The following BEND4 variants were observed in gnomAD, a reference collection of about 807,000 sequenced individuals.
The protein encoded by BEND4 is BEN domain-containing protein 4.
In BEND4, 27 loss-of-function variants were observed where a neutral mutation model predicts 54.7. The ratio of observed to expected loss-of-function variants is 0.49; its 90% CI spans 0.36 to 0.68. The LOEUF (loss-of-function observed/expected upper bound fraction) is 0.68. BEND4 is among the 30% of genes least tolerant of loss of function. The probability of loss-of-function intolerance (pLI) is 0.00; values close to 1 mark genes in which losing one functional copy is unlikely to be tolerated. For synonymous variants in BEND4, 327 were observed against 299.5 expected, an observed-to-expected ratio of 1.09 and a Z score of -0.95; for missense variants, 702 against 697.2, an observed-to-expected ratio of 1.01 and a Z score of -0.08.
Position 42,117,799 on chromosome 4 carries a change from T to C in BEND4, c.1388-64A>G, listed in dbSNP as rs1304001839. ...AAAAACAGCTGGTTTTTGCAGAAGATGACAGGGCAGGCTGCTTAAACTTTA... is the reference window on the plus strand; with the variant it reads ...AAAAACAGCTGGTTTTTGCAGAAGACGACAGGGCAGGCTGCTTAAACTTTA... On this transcript the variant is annotated intron_variant, in intron 5 of 5. Transcript: ENST00000502486. 3 of 1,137,254 alleles carry C rather than the reference T, an allele frequency of 2.6e-6. No homozygotes were observed. In the African/African-American group the frequency reaches 4.7e-5, roughly 18 times the overall value. The allele number at this position is 1,137,254 out of a possible 1,614,324, so 70.4% of individuals were successfully genotyped here. A position where few individuals can be genotyped will look rare whatever the true frequency, so the allele number is the denominator to read the frequency against.
In BEND4 at chr4:42,117,650, G is replaced by A. The variant is rs757545306; in HGVS notation, c.1473C>T (p.Val491=). 1.8e-5 allele frequency: 29 copies of A among 1,611,534 alleles called. No homozygotes were observed. The highest frequency in any genetic ancestry group is 1.6e-5 in the Non-Finnish European group (19 of 1,178,892). The change falls in exon 6 of 6, where the codon GTC becomes GTT. Residue 491 remains valine, a synonymous_variant. Coordinates refer to ENST00000502486, the MANE Select transcript of BEND4 (RefSeq NM_207406.4). ...EQINKVFSDA[V]GHARQGRAVG... ...CCGCCCGCCCCTGTCGGGCGTGACC[G>A]ACAGCGTCGCTGAACACTTTGTTTA...
Position 42,116,201 on chromosome 4 carries a change from T to C in BEND4, c.*1317A>G, listed in dbSNP as rs1345390625. 6.6e-6 allele frequency: 1 copy of C among 152,224 alleles called. No individual in the cohort carries two copies. Among genetic ancestry groups the C allele is most frequent in the Non-Finnish European group, 1.5e-5 (1 of 68,040 alleles). The allele number at this position is 152,224 out of a possible 1,614,324, so 9.4% of individuals were successfully genotyped here. A position where few individuals can be genotyped will look rare whatever the true frequency, so the allele number is the denominator to read the frequency against. On this transcript the variant is annotated 3_prime_UTR_variant, in exon 6 of 6. Transcript: ENST00000502486. ...ATGTCTGTAGATGACATTAGTAGCCTTCAATAAACGCTGTCCATTTAGCCC... is the reference window on the plus strand; with the variant it reads ...ATGTCTGTAGATGACATTAGTAGCCCTCAATAAACGCTGTCCATTTAGCCC...
intron 5 of BEND4, among the ~76,000 whole-genome samples, chr4:42,119,536 C>T (rs1269473817): frequency 6.6e-6 from 1 of 151,998 alleles, no homozygotes; most frequent in Admixed American, 6.6e-5. Flanking sequence ...CTGCAGTACA[C>T]TTAATAGAAA....
At chr4:42,128,432 GC>G (rs1390382463) in intron 3 of BEND4, among the ~76,000 whole-genome samples, 2 of 152,044 alleles carry the variant, frequency 1.3e-5, no homozygotes, top group African/African-American at 4.8e-5. Context: ...GACCATCCTG[GC>G]TAACACGGTG....
At chr4:42,147,481 C>CA (rs1721116327) in intron 2 of BEND4, among the ~76,000 whole-genome samples, 1 of 131,930 alleles carries the variant, frequency 7.6e-6, no homozygotes, top group Admixed American at 7.7e-5. Context: ...ATTTTTTTAA[C>CA]TTTTTTTTTT....
rs1721328749 is a variant in BEND4 at position 42,152,201 on chromosome 4, C to A, written c.-58G>T. Reference sequence around the variant, plus strand: ...TCCCCTCCCCGCCGGGCGCCGGGCTCCGAGGGTGCCTCCGCCGCCTGCCCG... The same window carrying A: ...TCCCCTCCCCGCCGGGCGCCGGGCTACGAGGGTGCCTCCGCCGCCTGCCCG... On this transcript the variant is annotated 5_prime_UTR_variant, in exon 2 of 6. The change creates a premature stop within an existing upstream ORF in the 5' untranslated region. Transcript: ENST00000502486. 1.6e-6 allele frequency: 2 copies of A among 1,231,680 alleles called. No homozygotes were observed. Among genetic ancestry groups the A allele is most frequent in the Non-Finnish European group, 2.0e-6 (2 of 980,782 alleles). 76.3% of individuals were successfully genotyped at this position (1,231,680 alleles called of 1,614,324 possible). A position where few individuals can be genotyped will look rare whatever the true frequency, so the allele number is the denominator to read the frequency against.
At chr4:42,136,010 T>C (rs1720684699) in intron 3 of BEND4, among the ~76,000 whole-genome samples, 2 of 152,218 alleles carry the variant, frequency 1.3e-5, no homozygotes, top group Admixed American at 1.3e-4. Context: ...GCCATGATGA[T>C]GTTCACCAAA....
chr4:42,147,138 G>A (rs998508591), intron 2 of BEND4, among the ~76,000 whole-genome samples: 1 of 152,112 alleles, frequency 6.6e-6, no homozygotes, highest in Non-Finnish European at 1.5e-5. Context: ...TTTCAGAAAT[G>A]ATATGTACAA....
intron 3 of BEND4, among the ~76,000 whole-genome samples, chr4:42,137,064 C>A (rs1425873447): frequency 6.6e-6 from 1 of 151,946 alleles, no homozygotes; most frequent in Non-Finnish European, 1.5e-5. Flanking sequence ...TTGAGGGTGG[C>A]GAGGGGTAAC....
At chr4:42,146,870 A>T (rs989636174) in intron 2 of BEND4, among the ~76,000 whole-genome samples, 1 of 152,202 alleles carries the variant, frequency 6.6e-6, no homozygotes, top group African/African-American at 2.4e-5. Flanking sequence ...GTGTCCTACA[A>T]CACACTCAGT....
chr4:42,146,088 G>C (rs776331524), intron 2 of BEND4, among the ~76,000 whole-genome samples: 1 of 152,088 alleles, frequency 6.6e-6, no homozygotes, highest in African/African-American at 2.4e-5. Flanking sequence ...CAGCAGGACC[G>C]CCACCTGACC....
intron 3 of BEND4, among the ~76,000 whole-genome samples, chr4:42,126,828 T>C (rs1311608717): frequency 4.6e-5 from 7 of 152,208 alleles, no homozygotes; most frequent in East Asian, 1.9e-4. Context: ...CTGGGCAATA[T>C]AGCGAGACCC....
Position 42,120,116 on chromosome 4 carries a change from T to A in BEND4, c.1325A>T (p.Gln442Leu). 6.2e-7 allele frequency: 1 copy of A among 1,614,036 alleles called. No individual in the cohort carries two copies. The highest frequency in any genetic ancestry group is 8.5e-7 in the Non-Finnish European group (1 of 1,179,890). The change falls in exon 5 of 6, where the codon CAG becomes CTG. Residue 442 changes from glutamine (Q) to leucine (L), a missense_variant. Physicochemically the swap from Gln to Leu is moderately radical, Grantham distance 113. Transcript: ENST00000502486. ...TCTTTCGGGACCTGTCTCTCCTGACTGCACTGACCTTTTCCTTTTCCCAAG... is the reference window on the plus strand; with the variant it reads ...TCTTTCGGGACCTGTCTCTCCTGACAGCACTGACCTTTTCCTTTTCCCAAG... ...CGLGKRKRSV[Q>L]SGETGPERRP...
intron 5 of BEND4, among the ~76,000 whole-genome samples, chr4:42,118,014 T>C (rs1719913798): frequency 6.6e-6 from 1 of 152,192 alleles, no homozygotes; most frequent in Non-Finnish European, 1.5e-5. Flanking sequence ...AAATTTGATT[T>C]GTAAGGCATG....
chr4:42,125,941 A>C (rs1183975931), intron 3 of BEND4, among the ~76,000 whole-genome samples: 1 of 151,936 alleles, frequency 6.6e-6, no homozygotes, highest in Non-Finnish European at 1.5e-5. Context: ...GGGTCTTGCT[A>C]TGTTGCCCAG....
At chr4:42,119,842 T>G (rs1402358975) in intron 5 of BEND4, 3 of 572,996 alleles carry the variant, frequency 5.2e-6, no homozygotes, top group Non-Finnish European at 9.3e-6. Flanking sequence ...ATGCGATGCT[T>G]ATGTACCACT....
At position 42,112,915 on chromosome 4, in the gene BEND4, C is replaced by T. The variant is rs1416262440; in HGVS notation, c.*4603G>A. 2 of 152,142 alleles carry T rather than the reference C, an allele frequency of 1.3e-5. No homozygotes were observed. The highest frequency in any genetic ancestry group is 2.4e-5 in the African/African-American group (1 of 41,444). The allele number at this position is 152,142 out of a possible 1,614,324, so 9.4% of individuals were successfully genotyped here. ...GACAGTGTAACTTTGCAGAGGACTA[C>T]CCATCTGCTGGGTGACGTTTTCCTA... On this transcript the variant is annotated 3_prime_UTR_variant, in exon 6 of 6. Transcript: ENST00000502486.
intron 2 of BEND4, chr4:42,151,391 T>TCGC: frequency 3.6e-6 from 1 of 278,968 alleles, no homozygotes; most frequent in East Asian, 6.3e-5. Context: ...GCGATCCTGG[T>TCGC]CGCCGACTGC....
At chr4:42,138,185 G>A (rs888857499) in intron 3 of BEND4, among the ~76,000 whole-genome samples, 1 of 152,094 alleles carries the variant, frequency 6.6e-6, no homozygotes, top group Non-Finnish European at 1.5e-5. Context: ...AAACAACCTT[G>A]TCTGTCAACA....
Sources: allele counts gnomAD v4.1 joint callset (sites outside exome capture counted in the v4.1 genomes callset), GRCh38; gene constraint gnomAD v4.1.1; transcripts MANE v1.5; gene names NCBI Gene and HGNC (gene_info 2026-07-23, HGNC 2026-07-21).